The following RASGRF2 variants were observed in gnomAD, a reference collection of about 807,000 sequenced individuals.
RASGRF2 encodes ras-specific guanine nucleotide-releasing factor 2.
A neutral mutation model predicts 151.0 loss-of-function variants in RASGRF2; 76 were observed. That is an observed-to-expected ratio of 0.50 (90% CI 0.42 to 0.61). The LOEUF (loss-of-function observed/expected upper bound fraction) is 0.61, where lower values mean the gene tolerates loss of function less well. Ranked by LOEUF, RASGRF2 falls within the 20% of genes least tolerant of loss-of-function variation. The pLI, the probability that RASGRF2 is intolerant of heterozygous loss-of-function variation, is 0.00. For synonymous variants in RASGRF2, 504 were observed against 566.5 expected (o/e 0.89, Z 1.57); for missense variants, 1,148 against 1,564.6 (o/e 0.73, Z 4.49).
At position 81,217,574 on chromosome 5, in the gene RASGRF2, C is replaced by CTTTTTT. The variant is rs71603577; in HGVS notation, c.3552+119_3552+124dup. ...AATGTCTGCTTTTTTTTTTTCTCTT[C>CTTTTTT]TTTTTTTTTTTTTTTTTTTTTTTGA... is the stretch of plus-strand genomic sequence containing the variant. On this transcript the variant is annotated intron_variant, in intron 25 of 26. Transcript: ENST00000265080. 1.3e-3 allele frequency: 237 copies of CTTTTTT among 181,588 alleles called. 2 individuals are homozygous for CTTTTTT. The highest frequency in any genetic ancestry group is 2.2e-3 in the African/African-American group (51 of 23,528). 11.2% of individuals were successfully genotyped at this position (181,588 alleles called of 1,614,324 possible).
chr5:80,985,859 T>C (rs565718248), intron 1 of RASGRF2, among the ~76,000 whole-genome samples: 1 of 152,280 alleles, frequency 6.6e-6, no homozygotes, highest in Non-Finnish European at 1.5e-5. Flanking sequence ...GTGTTAGGTA[T>C]GAAGCAAAGA....
chr5:81,115,293 A>G (rs925883630), intron 15 of RASGRF2, among the ~76,000 whole-genome samples: 14 of 152,192 alleles, frequency 9.2e-5, no homozygotes, highest in Admixed American at 3.3e-4. Flanking sequence ...CTTTAAATTG[A>G]CAAGTTAGCA....
Position 81,086,989 on chromosome 5 carries a change from G to A in RASGRF2, c.1390+36G>A, listed in dbSNP as rs201129615. 124 of 1,527,354 alleles carry A rather than the reference G, an allele frequency of 8.1e-5. 1 individual carries two copies. In the African/African-American group the frequency reaches 1.5e-3, roughly 18 times the overall value. The allele number at this position is 1,527,354 out of a possible 1,614,324, so 94.6% of individuals were successfully genotyped here. A position where few individuals can be genotyped will look rare whatever the true frequency, so the allele number is the denominator to read the frequency against. On this transcript the variant is annotated intron_variant, in intron 9 of 26. Coordinates refer to ENST00000265080, the MANE Select transcript of RASGRF2 (RefSeq NM_006909.3). ...GTGAAATGGACCCGCGACCTGATGC[G>A]CTGTGCGGCTGTCACATGATCTCGG... is the stretch of plus-strand genomic sequence containing the variant.
At chr5:81,184,501 T>G (rs777009102) in intron 18 of RASGRF2, among the ~76,000 whole-genome samples, 2 of 152,226 alleles carry the variant, frequency 1.3e-5, no homozygotes, top group Non-Finnish European at 2.9e-5. Context: ...GAAGAGATGC[T>G]CTGTCCATTT....
intron 3 of RASGRF2, 129 bp from the exon 4 acceptor site, chr5:81,070,363 A>G: frequency 1.4e-6 from 1 of 707,990 alleles, no homozygotes; most frequent in Non-Finnish European, 2.6e-6. Flanking sequence ...CCAAAGGAAG[A>G]GAGTGTGCAT....
chr5:80,971,096 C>T (rs1373083164), intron 1 of RASGRF2, among the ~76,000 whole-genome samples: 6 of 152,136 alleles, frequency 3.9e-5, no homozygotes, highest in African/African-American at 1.4e-4. Context: ...CAAAATGTAG[C>T]GTACATCAGA....
chr5:81,007,892 G>A (rs991934610), intron 1 of RASGRF2, among the ~76,000 whole-genome samples: 4 of 152,048 alleles, frequency 2.6e-5, no homozygotes, highest in Non-Finnish European at 4.4e-5. Flanking sequence ...AGAGAGAGAC[G>A]TGAACAGGAA....
chr5:81,207,468 C>T (rs1755535132), intron 21 of RASGRF2, 119 bp downstream of exon 21: 4 of 803,464 alleles, frequency 5.0e-6, no homozygotes, highest in Admixed American at 2.4e-5. Flanking sequence ...TGAGTATCTA[C>T]CAGTTGTTTC....
intron 26 of RASGRF2, among the ~76,000 whole-genome samples, chr5:81,223,668 A>G (rs1580419601): frequency 6.6e-6 from 1 of 152,122 alleles, no homozygotes; most frequent in East Asian, 1.9e-4. Context: ...TCAGGACTCT[A>G]CTGGCACAGC....
chr5:81,060,675 A>C (rs971627167), intron 2 of RASGRF2, among the ~76,000 whole-genome samples: 16 of 152,166 alleles, frequency 1.1e-4, no homozygotes, highest in African/African-American at 3.6e-4. Flanking sequence ...TCAAAGAATC[A>C]ATTTGGACTC....
At chr5:81,013,335 C>T (rs1580203685) in intron 1 of RASGRF2, among the ~76,000 whole-genome samples, 1 of 152,256 alleles carries the variant, frequency 6.6e-6, no homozygotes, top group East Asian at 1.9e-4. Context: ...CTCTGCGATT[C>T]CCACCTTTTT....
intron 1 of RASGRF2, 54 bp from the exon 2 acceptor site, chr5:81,042,823 G>T: frequency 8.1e-7 from 1 of 1,241,112 alleles, no homozygotes. Flanking sequence ...GTGTTATTAT[G>T]CTGTTGTGCT....
At chr5:81,024,249 A>ATTTTTTTTTTTTTTTTTTTTTTTTTTTTT (rs397884951) in intron 1 of RASGRF2, among the ~76,000 whole-genome samples, 5 of 71,682 alleles carry the variant, frequency 7.0e-5, no homozygotes, top group Non-Finnish European at 9.8e-5. Context: ...TATTCATATA[A>ATTTTTTTTTTTTTTTTTTTTTTTTTTTTT]TTTTTTTTTT....
At chr5:81,067,315 G>A (rs1385818848) in intron 2 of RASGRF2, among the ~76,000 whole-genome samples, 1 of 152,170 alleles carries the variant, frequency 6.6e-6, no homozygotes, top group Non-Finnish European at 1.5e-5. Context: ...AAGAAGATCT[G>A]GAGGCAAAAT....
At chr5:81,091,428 C>T (rs147313795) in intron 9 of RASGRF2, among the ~76,000 whole-genome samples, 50 of 152,240 alleles carry the variant, frequency 3.3e-4, no homozygotes, top group African/African-American at 1.2e-3. Context: ...GTTCCCCAAT[C>T]CCACACCCTC....
At chr5:81,058,998 T>A (rs189238176) in intron 2 of RASGRF2, among the ~76,000 whole-genome samples, 41 of 152,250 alleles carry the variant, frequency 2.7e-4, no homozygotes, top group African/African-American at 8.9e-4. Flanking sequence ...CCTGGATTAT[T>A]ATTGTAATAG....
chr5:81,140,323 T>C (rs1425022007), intron 17 of RASGRF2, among the ~76,000 whole-genome samples: 1 of 152,172 alleles, frequency 6.6e-6, no homozygotes, highest in African/African-American at 2.4e-5. Flanking sequence ...ATATTTTCTA[T>C]TGTTTTTTTC....
chr5:80,965,656 A>G (rs887809951), intron 1 of RASGRF2, among the ~76,000 whole-genome samples: 3 of 152,172 alleles, frequency 2.0e-5, no homozygotes, highest in Non-Finnish European at 4.4e-5. Context: ...GGGGTAGAAA[A>G]TACTTGTAGT....
Position 81,156,970 on chromosome 5 carries a change from G to A in RASGRF2, c.2687-23205G>A, listed in dbSNP as rs929396519. Among the ~76,000 whole-genome samples the A allele has an allele frequency of 3.3e-5, 5 of 152,152 alleles. No individual in the cohort carries two copies. The East Asian group carries it at 5.8e-4, about 18-fold the overall frequency. On this transcript the variant is annotated intron_variant, in intron 17 of 26. Transcript: ENST00000265080. Reference sequence around the variant, plus strand: ...ACTCAAACTAATAAGTGCAACAAACGAAGGATACAAGATCAATATATAAAA... The same window carrying A: ...ACTCAAACTAATAAGTGCAACAAACAAAGGATACAAGATCAATATATAAAA...
Sources: allele counts gnomAD v4.1 joint callset (sites outside exome capture counted in the v4.1 genomes callset), GRCh38; gene constraint gnomAD v4.1.1; transcripts MANE v1.5; gene names NCBI Gene and HGNC (gene_info 2026-07-23, HGNC 2026-07-21).